Variants in MEGF11 observed in about 807,000 individuals in gnomAD.
MEGF11 encodes multiple EGF like domains 11.
MEGF11 carries 126 observed loss-of-function variants against 146.6 expected under a neutral mutation model. The ratio of observed to expected loss-of-function variants is 0.86; its 90% confidence interval spans 0.74 to 1.00. MEGF11 has a LOEUF of 1.00. MEGF11 is among the 50% of genes least tolerant of loss of function. The probability of loss-of-function intolerance (pLI) is 0.00; values close to 1 mark genes in which losing one functional copy is unlikely to be tolerated. For synonymous variants in MEGF11, 532 were observed against 583.4 expected (o/e 0.91, Z 1.27); for missense variants, 1,509 against 1,521.2 (o/e 0.99, Z 0.13).
chr15:65,901,313 C>T (rs1358651884), intron 24 of MEGF11, among the ~76,000 whole-genome samples: 1 of 151,238 alleles, frequency 6.6e-6, no homozygotes, highest in Admixed American at 6.6e-5. Flanking sequence ...GCTATTGCAC[C>T]TGCCTCAACT....
intron 4 of MEGF11, among the ~76,000 whole-genome samples, chr15:66,097,129 A>G (rs2140712824): frequency 6.6e-6 from 1 of 152,254 alleles, no homozygotes. Flanking sequence ...TGCCTGCACT[A>G]TTTGCTTGTC....
At position 66,152,989 on chromosome 15, in the gene MEGF11, C is replaced by T. The variant is rs146848538; in HGVS notation, c.-8-24578G>A. Among the ~76,000 whole-genome samples the T allele has an allele frequency of 1.7e-4, 26 of 152,328 alleles. No individual in the cohort carries two copies. In the East Asian group the frequency reaches 3.7e-3, roughly 21 times the overall value. ...CTTGACAGCCCTCTCCCCTGCTCTCCGCTCCTTCCCTTCTCCTCCAGGACC... is the reference window on the plus strand; with the variant it reads ...CTTGACAGCCCTCTCCCCTGCTCTCTGCTCCTTCCCTTCTCCTCCAGGACC... On this transcript the variant is annotated intron_variant, in intron 1 of 25. Transcript: ENST00000395614.
intron 1 of MEGF11, among the ~76,000 whole-genome samples, chr15:66,216,827 A>T (rs1018551856): frequency 1.3e-5 from 2 of 152,244 alleles, no homozygotes; most frequent in Admixed American, 1.3e-4. Context: ...CTCATTCCCA[A>T]GTCACTCTCT....
At chr15:66,010,408 G>A (rs992670615) in intron 5 of MEGF11, among the ~76,000 whole-genome samples, 3 of 151,984 alleles carry the variant, frequency 2.0e-5, no homozygotes, top group Non-Finnish European at 4.4e-5. Context: ...GGCCAGGCTG[G>A]TCTCGAACTC....
At chr15:66,187,711 G>A (rs759983369) in intron 1 of MEGF11, among the ~76,000 whole-genome samples, 8 of 152,096 alleles carry the variant, frequency 5.3e-5, no homozygotes, top group South Asian at 2.1e-4. Context: ...GGCCAGGGTC[G>A]TGGGGCTTGA....
At chr15:66,117,313 G>A (rs1016700975) in intron 4 of MEGF11, among the ~76,000 whole-genome samples, 29 of 152,104 alleles carry the variant, frequency 1.9e-4, no homozygotes, top group African/African-American at 6.8e-4. Flanking sequence ...CATCCTGAAA[G>A]TGGCTTTTTG....
intron 7 of MEGF11, 62 bp from the exon 8 acceptor site, chr15:65,970,751 A>G: frequency 1.3e-6 from 2 of 1,539,454 alleles, no homozygotes; most frequent in Non-Finnish European, 1.8e-6. Context: ...TTTCCTGGGA[A>G]TGGCACACCT....
At chr15:66,101,168 G>C (rs962501497) in intron 4 of MEGF11, among the ~76,000 whole-genome samples, 8 of 152,028 alleles carry the variant, frequency 5.3e-5, no homozygotes, top group Non-Finnish European at 5.9e-5. Context: ...CCACATGTCA[G>C]GGACAGGGGA....
chr15:66,142,853 G>C (rs186753308), intron 1 of MEGF11, among the ~76,000 whole-genome samples: 2 of 152,322 alleles, frequency 1.3e-5, no homozygotes, highest in Non-Finnish European at 2.9e-5. Context: ...AGAGGACATG[G>C]GCCTGAAGGC....
intron 1 of MEGF11, among the ~76,000 whole-genome samples, chr15:66,195,717 G>T (rs1369168029): frequency 1.3e-5 from 2 of 152,224 alleles, no homozygotes; most frequent in Non-Finnish European, 2.9e-5. Flanking sequence ...CACACTGCTG[G>T]TGTTAACCCC....
intron 4 of MEGF11, among the ~76,000 whole-genome samples, 158 bp from the exon 5 acceptor site, chr15:66,094,652 CTGAGT>C (rs1277302386): frequency 1.3e-5 from 2 of 152,228 alleles, no homozygotes; most frequent in African/African-American, 4.8e-5. Flanking sequence ...TACACCTGAC[CTGAGT>C]TATTTAATTA....
chr15:66,150,462 G>A (rs2089521058), intron 1 of MEGF11, among the ~76,000 whole-genome samples: 1 of 152,118 alleles, frequency 6.6e-6, no homozygotes, highest in Non-Finnish European at 1.5e-5. Context: ...AATATTCTTT[G>A]AGGAGTCGCA....
intron 1 of MEGF11, among the ~76,000 whole-genome samples, chr15:66,217,451 T>A (rs1008400989): frequency 1.3e-5 from 2 of 152,232 alleles, no homozygotes; most frequent in Non-Finnish European, 2.9e-5. Context: ...TGATAAGAAC[T>A]GACTACCCAC....
chr15:66,019,632 G>A (rs1488714657), intron 5 of MEGF11, among the ~76,000 whole-genome samples: 1 of 152,220 alleles, frequency 6.6e-6, no homozygotes, highest in Non-Finnish European at 1.5e-5. Context: ...AGGGGGCCTG[G>A]CGCTGTTTCC....
chr15:66,083,076 A>G (rs62011839), intron 5 of MEGF11, among the ~76,000 whole-genome samples: 56,099 of 151,950 alleles, frequency 0.37, 11,479 homozygotes, highest in Non-Finnish European at 0.46. Flanking sequence ...CGCCTGAGAC[A>G]GAGACACTCC....
chr15:65,933,321 C>T (rs1191146161), intron 10 of MEGF11, among the ~76,000 whole-genome samples: 5 of 152,216 alleles, frequency 3.3e-5, no homozygotes, highest in Non-Finnish European at 2.9e-5. Context: ...GCAGGCACAG[C>T]GTATGCCTTT....
intron 5 of MEGF11, among the ~76,000 whole-genome samples, chr15:66,068,565 A>G (rs919526338): frequency 6.6e-6 from 1 of 152,250 alleles, no homozygotes; most frequent in Non-Finnish European, 1.5e-5. Context: ...CTGAAATCAC[A>G]AAGCAAGTTA....
intron 5 of MEGF11, among the ~76,000 whole-genome samples, chr15:66,014,229 ATGTC>A (rs1815774464): frequency 6.6e-6 from 1 of 152,200 alleles, no homozygotes; most frequent in Non-Finnish European, 1.5e-5. Context: ...AGACTTTGCC[ATGTC>A]TGTCACTGGA....
chr15:65,898,803 A>G lies in MEGF11; in HGVS notation c.3187T>C (p.Ser1063Pro). 6.2e-7 allele frequency: 1 copy of G among 1,613,994 alleles called. No homozygotes were observed. Among genetic ancestry groups the G allele is most frequent in the Non-Finnish European group, 8.5e-7 (1 of 1,179,860 alleles). ...TACGGAGACCCCATGTGCACAGGCG[A>G]CTTCATTTCTACATAGCTGCTTTCT... ...LPESSYVEMK[S>P]PVHMGSPYTD... Residue 1063 changes from serine to proline, a missense_variant, in exon 25 of 26, where the codon TCG (serine) becomes CCG (proline). Transcript: ENST00000395614.
Sources: gnomAD v4.1 joint callset for allele counts (sites outside exome capture counted in the v4.1 genomes callset) on GRCh38, gnomAD v4.1.1 for gene constraint, MANE v1.5 for transcripts, NCBI Gene and HGNC (gene_info 2026-07-23, HGNC 2026-07-21) for gene names.